Variants in KIAA1549L observed in about 807,000 individuals in gnomAD.
KIAA1549L encodes the protein KIAA1549 like.
A neutral mutation model predicts 160.7 loss-of-function variants in KIAA1549L; 88 were observed. The observed-to-expected ratio is 0.55, with a 90% CI of 0.46 to 0.65. KIAA1549L has a LOEUF of 0.65. Among genes scored for constraint, KIAA1549L ranks in the 30% least tolerant of loss-of-function variants. KIAA1549L has a pLI of 0.00. For missense variants in KIAA1549L, 2,258 were observed against 2,437.5 expected (o/e 0.93, Z 1.55); for synonymous variants, 950 against 976.7 (o/e 0.97, Z 0.51).
intron 1 of KIAA1549L, among the ~76,000 whole-genome samples, chr11:33,504,247 C>G (rs946792900): frequency 6.6e-6 from 1 of 151,546 alleles, no homozygotes; most frequent in Non-Finnish European, 1.5e-5. Flanking sequence ...GGCGACAGAG[C>G]GAGACTCTGT....
chr11:33,406,417 G>C (rs763058070), intron 1 of KIAA1549L, among the ~76,000 whole-genome samples: 1 of 152,234 alleles, frequency 6.6e-6, no homozygotes, highest in African/African-American at 2.4e-5. Flanking sequence ...ATGTGCAGGG[G>C]AGGGGCCGCT....
intron 16 of KIAA1549L, among the ~76,000 whole-genome samples, chr11:33,628,076 T>G (rs904487975): frequency 2.6e-5 from 4 of 152,162 alleles, no homozygotes; most frequent in African/African-American, 9.7e-5. Flanking sequence ...TTGTTCAGTT[T>G]CCATGTAGTT....
chr11:33,528,992 C>T (rs1853678371), intron 1 of KIAA1549L, among the ~76,000 whole-genome samples: 1 of 152,138 alleles, frequency 6.6e-6, no homozygotes, highest in East Asian at 1.9e-4. Context: ...ATTTAAGAAA[C>T]CAAAACTATT....
intron 1 of KIAA1549L, among the ~76,000 whole-genome samples, chr11:33,478,407 G>A (rs138501367): frequency 6.6e-6 from 1 of 152,226 alleles, no homozygotes; most frequent in Non-Finnish European, 1.5e-5. Flanking sequence ...GCCTGAACCC[G>A]TTGGGGGAGG....
chr11:33,516,010 A>C (rs1676287401), intron 1 of KIAA1549L, among the ~76,000 whole-genome samples: 1 of 152,194 alleles, frequency 6.6e-6, no homozygotes, highest in Non-Finnish European at 1.5e-5. Flanking sequence ...TCATGCTGCC[A>C]TTCTGTACTA....
chr11:33,576,841 G>C (rs1370618714), intron 10 of KIAA1549L, among the ~76,000 whole-genome samples: 3 of 152,174 alleles, frequency 2.0e-5, no homozygotes, highest in Non-Finnish European at 4.4e-5. Context: ...GAACAGGGGA[G>C]ATGGAACTGG....
chr11:33,579,204 A>C (rs1855555398), intron 10 of KIAA1549L, among the ~76,000 whole-genome samples: 1 of 152,142 alleles, frequency 6.6e-6, no homozygotes, highest in African/African-American at 2.4e-5. Flanking sequence ...GCTACATAGG[A>C]GATTAAAAGA....
chr11:33,598,692 G>A lies in KIAA1549L; in HGVS notation c.4752-128G>A, dbSNP rs1376146351. ...TTTTGTTTTTTTCTTTTTCTGTATCGTTTCCTCTTTGTCCATTAAACTGGA... is the reference window on the plus strand; with the variant it reads ...TTTTGTTTTTTTCTTTTTCTGTATCATTTCCTCTTTGTCCATTAAACTGGA... On this transcript the variant is annotated intron_variant, in intron 12 of 20. Transcript: ENST00000658780. The A allele has an allele frequency of 2.5e-5, 29 of 1,159,444 alleles. 1 individual carries two copies. The highest frequency in any genetic ancestry group is 1.4e-4 in the South Asian group (9 of 64,582). The allele number at this position is 1,159,444 out of a possible 1,614,324, so 71.8% of individuals were successfully genotyped here. A position where few individuals can be genotyped will look rare whatever the true frequency, so the allele number is the denominator to read the frequency against.
intron 1 of KIAA1549L, among the ~76,000 whole-genome samples, chr11:33,510,517 CTGTT>C (rs1565163948): frequency 6.6e-6 from 1 of 152,174 alleles, no homozygotes; most frequent in East Asian, 1.9e-4. Flanking sequence ...GACCCCAGGA[CTGTT>C]TGTCTCTGAA....
Position 33,544,961 on chromosome 11 carries a change from G to T in KIAA1549L, c.2968G>T (p.Ala990Ser). Residue 990 changes from alanine (A) to serine (S), a missense_variant, in exon 3 of 21, where the codon GCA becomes TCA. Ala to Ser is a moderately conservative substitution (Grantham distance 99, BLOSUM62 1). Transcript: ENST00000658780. ...TLAKNVTNKA[A>S]SGPKRTPGAV... The stretch of plus-strand genomic sequence containing the variant: ...TGCTAAAAATGTCACAAACAAGGCC[G>T]CATCTGGCCCAAAGAGGACACCAGG... 1.2e-6 allele frequency: 2 copies of T among 1,613,804 alleles called. No individual in the cohort carries two copies. The highest frequency in any genetic ancestry group is 1.7e-6 in the Non-Finnish European group (2 of 1,179,808).
intron 1 of KIAA1549L, among the ~76,000 whole-genome samples, chr11:33,464,887 T>C (rs564814413): frequency 6.6e-6 from 1 of 152,000 alleles, no homozygotes; most frequent in South Asian, 2.1e-4. Context: ...CTGCATCTTC[T>C]CCGAACCCCA....
At chr11:33,663,781 C>G (rs1282172947) in intron 20 of KIAA1549L, among the ~76,000 whole-genome samples, 1 of 152,166 alleles carries the variant, frequency 6.6e-6, no homozygotes, top group Non-Finnish European at 1.5e-5. Flanking sequence ...CACTGGTGTA[C>G]AGCAATAAGC....
intron 1 of KIAA1549L, among the ~76,000 whole-genome samples, chr11:33,461,427 G>A (rs1383970048): frequency 6.6e-6 from 1 of 152,152 alleles, no homozygotes; most frequent in African/African-American, 2.4e-5. Context: ...TCGAGAAAAT[G>A]CCTGACTCTG....
chr11:33,524,185 AT>A (rs1337580014), intron 1 of KIAA1549L, among the ~76,000 whole-genome samples: 7 of 151,988 alleles, frequency 4.6e-5, no homozygotes, highest in South Asian at 2.1e-4. Flanking sequence ...TTCTGGATTG[AT>A]TTTGATTATC....
intron 1 of KIAA1549L, among the ~76,000 whole-genome samples, chr11:33,442,437 G>GT (rs1240063296): frequency 6.6e-6 from 1 of 152,102 alleles, no homozygotes; most frequent in Non-Finnish European, 1.5e-5. Flanking sequence ...CTTTAAAGTA[G>GT]TTTTTTCCAA....
Position 33,505,616 on chromosome 11 carries a change from A to G in KIAA1549L, c.239-36186A>G, listed in dbSNP as rs1053943709. Among the ~76,000 whole-genome samples, 4 of 152,192 alleles carry G rather than the reference A, an allele frequency of 2.6e-5. No homozygotes were observed. The East Asian group carries it at 5.8e-4, about 22-fold the overall frequency. On this transcript the variant is annotated intron_variant, in intron 1 of 20. Transcript: ENST00000658780. Reference sequence around the variant, plus strand: ...CTCTCGTCAAAGTGAGTCTTCACTTATATCTGTTCATTCCCCTGTTGTTTC... The same window carrying G: ...CTCTCGTCAAAGTGAGTCTTCACTTGTATCTGTTCATTCCCCTGTTGTTTC...
intron 4 of KIAA1549L, among the ~76,000 whole-genome samples, chr11:33,550,459 A>G (rs919192631): frequency 1.3e-5 from 2 of 152,216 alleles, no homozygotes; most frequent in African/African-American, 4.8e-5. Context: ...AGCTCAGACC[A>G]TCAGTGTCCC....
chr11:33,570,128 C>T (rs1222097559), intron 9 of KIAA1549L, among the ~76,000 whole-genome samples: 1 of 151,952 alleles, frequency 6.6e-6, no homozygotes, highest in South Asian at 2.1e-4. Context: ...CTCAGCCTCC[C>T]GAATAGCTGG....
intron 1 of KIAA1549L, among the ~76,000 whole-genome samples, chr11:33,537,537 C>A (rs1853920485): frequency 6.6e-6 from 1 of 152,154 alleles, no homozygotes; most frequent in African/African-American, 2.4e-5. Flanking sequence ...GTGGAGAATT[C>A]ACTGACTTTA....
Sources: gnomAD v4.1 joint callset for allele counts (sites outside exome capture counted in the v4.1 genomes callset) on GRCh38, gnomAD v4.1.1 for gene constraint, MANE v1.5 for transcripts, NCBI Gene and HGNC (gene_info 2026-07-23, HGNC 2026-07-21) for gene names.